ENTREP2: variants seen among roughly 807,000 people sequenced by gnomAD.
ENTREP2 encodes the protein protein ENTREP2.
chr15:29,564,955 C>CCATAAAACATGTTCTGAAGGG, the ENTREP2 span, among the ~76,000 whole-genome samples: 2 of 151,998 alleles, frequency 1.3e-5, no homozygotes, highest in East Asian at 1.9e-4. Flanking sequence ...GAATACATCC[C>CCATAAAACATGTTCTGAAGGG]CATAAAACAT....
the ENTREP2 span, among the ~76,000 whole-genome samples, chr15:29,417,709 A>C: frequency 6.6e-6 from 1 of 152,078 alleles, no homozygotes; most frequent in Non-Finnish European, 1.5e-5. Context: ...ATGTGGCTGA[A>C]ATATATATGT....
the ENTREP2 span, among the ~76,000 whole-genome samples, chr15:29,519,991 T>C: frequency 1.3e-5 from 2 of 152,152 alleles, no homozygotes; most frequent in East Asian, 1.9e-4. Flanking sequence ...CTGTAAGAGA[T>C]AACCACCTTT....
At chr15:29,175,724 CCTG>C in the ENTREP2 span, among the ~76,000 whole-genome samples, 1 of 152,232 alleles carries the variant, frequency 6.6e-6, no homozygotes, top group African/African-American at 2.4e-5. Context: ...CCTGCCTCAG[CCTG>C]CTGAGTAGCT....
At chr15:29,623,511 C>A in the ENTREP2 span, among the ~76,000 whole-genome samples, 1 of 152,114 alleles carries the variant, frequency 6.6e-6, no homozygotes, top group East Asian at 1.9e-4. Context: ...AGGTTTGAAC[C>A]CAGGCAATCT....
the ENTREP2 span, among the ~76,000 whole-genome samples, chr15:29,472,473 A>ACC: frequency 8.2e-6 from 1 of 122,238 alleles, no homozygotes; most frequent in Admixed American, 7.5e-5. Context: ...ACACACACAC[A>ACC]TATAAATTTG....
the ENTREP2 span, among the ~76,000 whole-genome samples, chr15:29,414,095 CAG>C: frequency 2.0e-5 from 3 of 152,052 alleles, no homozygotes; most frequent in Non-Finnish European, 4.4e-5. Flanking sequence ...ATCAACGAGA[CAG>C]AAAGTTAACA....
chr15:29,561,774 G>A, the ENTREP2 span, among the ~76,000 whole-genome samples: 251 of 152,106 alleles, frequency 1.7e-3, 5 homozygotes, highest in East Asian at 0.043. Context: ...GGCAATCATC[G>A]TAGAGGAGGC....
At chr15:29,661,185 A>G in the ENTREP2 span, among the ~76,000 whole-genome samples, 1 of 152,174 alleles carries the variant, frequency 6.6e-6, no homozygotes. Context: ...ATCCTCTGAG[A>G]AGATTTTTTT....
At chr15:29,238,550 G>C in the ENTREP2 span, among the ~76,000 whole-genome samples, 1 of 151,942 alleles carries the variant, frequency 6.6e-6, no homozygotes, top group East Asian at 1.9e-4. Context: ...CAGGAGAATC[G>C]CTTGAACCTG....
At chr15:29,658,092 A>G in the ENTREP2 span, among the ~76,000 whole-genome samples, 2 of 152,178 alleles carry the variant, frequency 1.3e-5, no homozygotes, top group Non-Finnish European at 2.9e-5. Flanking sequence ...CCCAAATCTT[A>G]TCTTGAATTA....
chr15:29,408,416 CAA>C, the ENTREP2 span, among the ~76,000 whole-genome samples: 4 of 68,382 alleles, frequency 5.8e-5, no homozygotes, highest in African/African-American at 5.6e-4. Context: ...TAACAGATCC[CAA>C]AAGGAGGAAC....
At chr15:29,303,468 TA>T in the ENTREP2 span, among the ~76,000 whole-genome samples, 2 of 152,178 alleles carry the variant, frequency 1.3e-5, no homozygotes, top group South Asian at 2.1e-4. Flanking sequence ...TTCAGCCTTT[TA>T]TTTTTTTTTT....
At chr15:29,566,603 C>T in the ENTREP2 span, among the ~76,000 whole-genome samples, 1 of 151,978 alleles carries the variant, frequency 6.6e-6, no homozygotes, top group Non-Finnish European at 1.5e-5. Flanking sequence ...ATTACAGGTG[C>T]CCACCATCAC....
chr15:29,617,124 T>C, the ENTREP2 span, among the ~76,000 whole-genome samples: 1 of 152,104 alleles, frequency 6.6e-6, no homozygotes, highest in Admixed American at 6.5e-5. Flanking sequence ...CTCATGTGAT[T>C]ATGGAGGCTG....
At chr15:29,463,350 G>C in the ENTREP2 span, among the ~76,000 whole-genome samples, 1 of 152,212 alleles carries the variant, frequency 6.6e-6, no homozygotes, top group African/African-American at 2.4e-5. Flanking sequence ...CAGCGGCCCA[G>C]GGCTGAGTTC....
chr15:29,189,010 C>T, the ENTREP2 span, among the ~76,000 whole-genome samples: 2 of 152,242 alleles, frequency 1.3e-5, no homozygotes, highest in African/African-American at 4.8e-5. Context: ...ATGCATCTCT[C>T]CACCTGGCTG....
At chr15:29,207,769 G>A in the ENTREP2 span, among the ~76,000 whole-genome samples, 1 of 152,144 alleles carries the variant, frequency 6.6e-6, no homozygotes, top group African/African-American at 2.4e-5. Context: ...GAGCACGAGG[G>A]ACTGGGCACC....
At chr15:29,352,072 C>G in the ENTREP2 span, among the ~76,000 whole-genome samples, 1 of 152,152 alleles carries the variant, frequency 6.6e-6, no homozygotes, top group South Asian at 2.1e-4. Flanking sequence ...GTAGCTGTGA[C>G]TACAGGTGTG....
the ENTREP2 span, among the ~76,000 whole-genome samples, chr15:29,413,690 C>A: frequency 1.3e-5 from 2 of 152,140 alleles, no homozygotes; most frequent in Non-Finnish European, 2.9e-5. Flanking sequence ...ACCAAATTTT[C>A]TTACAGCTTT....
Sources: gnomAD v4.1 joint callset for allele counts (sites outside exome capture counted in the v4.1 genomes callset) on GRCh38, gnomAD v4.1.1 for gene constraint, MANE v1.5 for transcripts, NCBI Gene and HGNC (gene_info 2026-07-23, HGNC 2026-07-21) for gene names.